The following NR2F1-AS1 variants were observed in gnomAD, a reference collection of about 807,000 sequenced individuals.
NR2F1-AS1 encodes NR2F1 antisense RNA 1.
At chr5:93,417,583 T>C (rs138511978) in intron 4 of NR2F1-AS1, among the ~76,000 whole-genome samples, 6 of 152,340 alleles carry the variant, frequency 3.9e-5, no homozygotes, top group East Asian at 1.9e-4. Flanking sequence ...TCAGCAATGA[T>C]AATTAAAAGT....
At chr5:93,503,662 C>T (rs575397664) in intron 4 of NR2F1-AS1, among the ~76,000 whole-genome samples, 132 of 152,282 alleles carry the variant, frequency 8.7e-4, no homozygotes, top group Middle Eastern at 6.8e-3. Context: ...ATATGCCAGG[C>T]AGAGGATGCC....
At chr5:93,528,807 C>A (rs1328328293) in intron 4 of NR2F1-AS1, among the ~76,000 whole-genome samples, 1 of 150,410 alleles carries the variant, frequency 6.6e-6, no homozygotes, top group Non-Finnish European at 1.5e-5. Context: ...AACAGAAAAC[C>A]AAACACTGAA....
chr5:93,437,157 C>T (rs776425176), intron 4 of NR2F1-AS1, among the ~76,000 whole-genome samples: 1 of 152,062 alleles, frequency 6.6e-6, no homozygotes, highest in Non-Finnish European at 1.5e-5. Flanking sequence ...AATATAACTT[C>T]TTGTTCTTGA....
At chr5:93,575,468 C>G (rs1030944945) in intron 1 of NR2F1-AS1, among the ~76,000 whole-genome samples, 9 of 152,196 alleles carry the variant, frequency 5.9e-5, no homozygotes, top group African/African-American at 2.2e-4. Flanking sequence ...GCATGTAAAA[C>G]TTTTAAACTG....
chr5:93,445,584 A>T (rs1378484876), intron 4 of NR2F1-AS1, among the ~76,000 whole-genome samples: 1 of 151,820 alleles, frequency 6.6e-6, no homozygotes, highest in Non-Finnish European at 1.5e-5. Flanking sequence ...AAAAAATCCA[A>T]GACCAGACAG....
At position 93,563,984 on chromosome 5, in the gene NR2F1-AS1, T is replaced by C. The variant is rs574809208; in HGVS notation, n.314-521A>G. 7.3e-5 allele frequency among the ~76,000 whole-genome samples: 11 copies of C among 150,870 alleles called. No homozygotes were observed. The South Asian group carries it at 2.3e-3, about 32-fold the overall frequency. ...TGGCGTAGTGGCTGGCGCCTGTAGT[T>C]CCAGCTACCCGGGAGGCTGAGAAAA... On this transcript the variant is annotated intron_variant and non_coding_transcript_variant, in intron 1 of 5. Coordinates refer to ENST00000660523, the Ensembl canonical transcript of NR2F1-AS1.
chr5:93,491,479 A>C (rs1484157188), intron 4 of NR2F1-AS1, among the ~76,000 whole-genome samples: 4 of 152,012 alleles, frequency 2.6e-5, no homozygotes, highest in African/African-American at 4.8e-5. Flanking sequence ...TGTAATGATT[A>C]ATTTTTTTGT....
At chr5:93,497,792 G>A (rs951049110) in intron 4 of NR2F1-AS1, among the ~76,000 whole-genome samples, 3 of 152,138 alleles carry the variant, frequency 2.0e-5, no homozygotes, top group Non-Finnish European at 2.9e-5. Context: ...AGAAGTCAAA[G>A]TTAAGATTCT....
intron 4 of NR2F1-AS1, among the ~76,000 whole-genome samples, chr5:93,494,055 T>C (rs74652830): frequency 1.3e-5 from 2 of 151,988 alleles, no homozygotes; most frequent in Admixed American, 6.6e-5. Context: ...GGGAAAAAAA[T>C]TTTGCAATTA....
chr5:93,443,280 C>T (rs1749615695), intron 4 of NR2F1-AS1, among the ~76,000 whole-genome samples: 1 of 152,100 alleles, frequency 6.6e-6, no homozygotes, highest in Non-Finnish European at 1.5e-5. Flanking sequence ...GAACCCATCA[C>T]AAAGAAGCTA....
intron 4 of NR2F1-AS1, among the ~76,000 whole-genome samples, chr5:93,534,074 CACA>C (rs962363252): frequency 1.2e-4 from 18 of 152,244 alleles, no homozygotes; most frequent in African/African-American, 3.9e-4. Context: ...GAGCGAGTGT[CACA>C]ACAACAACAA....
chr5:93,560,054 G>A (rs1752452145), intron 2 of NR2F1-AS1, among the ~76,000 whole-genome samples: 1 of 152,160 alleles, frequency 6.6e-6, no homozygotes, highest in Admixed American at 6.5e-5. Flanking sequence ...AAATATGCCT[G>A]TATATGACTT....
At chr5:93,476,578 GAATATACT>G (rs1750489183) in intron 4 of NR2F1-AS1, among the ~76,000 whole-genome samples, 1 of 152,122 alleles carries the variant, frequency 6.6e-6, no homozygotes, top group Non-Finnish European at 1.5e-5. Flanking sequence ...AGGAAATTAA[GAATATACT>G]AATATACATT....
intron 4 of NR2F1-AS1, among the ~76,000 whole-genome samples, chr5:93,453,394 C>T (rs1018129629): frequency 6.6e-6 from 1 of 151,836 alleles, no homozygotes; most frequent in African/African-American, 2.4e-5. Flanking sequence ...TGAAAAAAAT[C>T]ACCATGGATT....
intron 4 of NR2F1-AS1, among the ~76,000 whole-genome samples, chr5:93,456,516 ATCCTC>A (rs1749949670): frequency 6.6e-6 from 1 of 152,204 alleles, no homozygotes; most frequent in Non-Finnish European, 1.5e-5. Flanking sequence ...GATGTTAATT[ATCCTC>A]AAGTTAATCT....
intron 4 of NR2F1-AS1, among the ~76,000 whole-genome samples, chr5:93,489,054 C>T (rs889800826): frequency 6.6e-6 from 1 of 152,036 alleles, no homozygotes; most frequent in Non-Finnish European, 1.5e-5. Context: ...ACAATGAGAA[C>T]ACATGGACAC....
At chr5:93,548,679 A>C (rs369366849) in intron 4 of NR2F1-AS1, among the ~76,000 whole-genome samples, 1 of 151,942 alleles carries the variant, frequency 6.6e-6, no homozygotes, top group Admixed American at 6.6e-5. Context: ...CTTGGCCAAC[A>C]TGGTGAGACC....
At chr5:93,552,669 T>TAAAAAAAA (rs1752258240) in intron 4 of NR2F1-AS1, among the ~76,000 whole-genome samples, 1 of 105,782 alleles carries the variant, frequency 9.5e-6, no homozygotes, top group Non-Finnish European at 2.0e-5. Context: ...TAATAACAAT[T>TAAAAAAAA]ACAAAAAAAA....
chr5:93,444,958 C>A (rs1384664838), intron 4 of NR2F1-AS1, among the ~76,000 whole-genome samples: 4 of 152,064 alleles, frequency 2.6e-5, no homozygotes, highest in Admixed American at 2.6e-4. Flanking sequence ...CTATTGGGTA[C>A]ATAACAAAAT....
Sources: gnomAD v4.1 joint callset for allele counts (sites outside exome capture counted in the v4.1 genomes callset) on GRCh38, gnomAD v4.1.1 for gene constraint, MANE v1.5 for transcripts, NCBI Gene and HGNC (gene_info 2026-07-23, HGNC 2026-07-21) for gene names.